Variants in GRM5 observed in about 807,000 individuals in gnomAD.
GRM5 encodes glutamate metabotropic receptor 5.
GRM5 carries 19 observed loss-of-function variants against 83.1 expected under a neutral mutation model. That is an observed-to-expected ratio of 0.23 (90% confidence interval 0.16 to 0.34). The LOEUF (loss-of-function observed/expected upper bound fraction) is 0.34, where lower values mean the gene tolerates loss of function less well. GRM5 is among the 10% of genes least tolerant of loss of function. GRM5 has a pLI of 1.00. For missense variants in GRM5, 1,160 were observed against 1,588.3 expected (o/e 0.73, Z 4.58); for synonymous variants, 675 against 633.6 (o/e 1.07, Z -0.98).
intron 7 of GRM5, among the ~76,000 whole-genome samples, chr11:88,573,177 G>T (rs945444960): frequency 6.6e-6 from 1 of 152,054 alleles, no homozygotes; most frequent in Admixed American, 6.6e-5. Context: ...ATATTGAAAA[G>T]ACAAGTTTTT....
intron 2 of GRM5, among the ~76,000 whole-genome samples, chr11:89,037,751 G>GA (rs1218610557): frequency 6.6e-6 from 1 of 152,010 alleles, no homozygotes; most frequent in Non-Finnish European, 1.5e-5. Flanking sequence ...CATCACTCCA[G>GA]AAAATATAAA....
chr11:88,538,845 A>G (rs755474630), intron 8 of GRM5, among the ~76,000 whole-genome samples: 5 of 152,248 alleles, frequency 3.3e-5, no homozygotes, highest in African/African-American at 7.2e-5. Context: ...CCAGGTTACT[A>G]GAATGGTCAA....
At position 88,567,101 on chromosome 11, in the gene GRM5, C is replaced by T. The variant is rs1942893000; in HGVS notation, c.2582G>A (p.Ser861Asn). 2 of 1,613,866 alleles carry T rather than the reference C, an allele frequency of 1.2e-6. No homozygotes were observed. The highest frequency in any genetic ancestry group is 4.5e-5 in the East Asian group (2 of 44,864). ...CCTTCTCTTCCACAGGTTGACTAGG[C>T]TGCTGGATCTGCTGGCTGCGGAGGA... ...KSSSAASRSS[S>N]LVNLWKRRGS... The change falls in exon 8 of 10, where the codon AGC becomes AAC. Residue 861 changes from serine to asparagine, a missense_variant. Coordinates refer to ENST00000305447, the MANE Select transcript of GRM5 (RefSeq NM_001143831.3). The surrounding 1 kb of genome is among the most constrained non-coding windows in gnomAD (Gnocchi z 7.3).
At chr11:89,046,985 TG>T (rs1326994569) in intron 2 of GRM5, among the ~76,000 whole-genome samples, 2 of 152,156 alleles carry the variant, frequency 1.3e-5, no homozygotes, top group Non-Finnish European at 2.9e-5. Flanking sequence ...TAATTCACAA[TG>T]AAAACAAAAT....
At chr11:88,866,624 G>T (rs955427658) in intron 2 of GRM5, among the ~76,000 whole-genome samples, 1 of 151,962 alleles carries the variant, frequency 6.6e-6, no homozygotes, top group African/African-American at 2.4e-5. Context: ...ACCATGAAAT[G>T]AAGCATTGAC....
rs1499039 is a variant in GRM5, at chr11:88,663,150, C to T, written c.912-9747G>A. The stretch of plus-strand genomic sequence containing the variant: ...ATATTTGAAGAGATAAAATCTTAGG[C>T]GGTCTGACCTAATTCTGGGTGTGGT... On this transcript the variant is annotated intron_variant, in intron 3 of 9. Transcript: ENST00000305447. 0.01 allele frequency among the ~76,000 whole-genome samples: 1,573 copies of T among 152,202 alleles called. 48 individuals are homozygous for T. The East Asian group carries it at 0.12, about 11-fold the overall frequency.
At chr11:89,045,238 T>A (rs2135147762) in intron 2 of GRM5, among the ~76,000 whole-genome samples, 1 of 152,304 alleles carries the variant, frequency 6.6e-6, no homozygotes, top group Non-Finnish European at 1.5e-5. Context: ...TTTCATGTAA[T>A]TGTTATATTT....
At chr11:88,918,978 G>A (rs1383477768) in intron 2 of GRM5, among the ~76,000 whole-genome samples, 3 of 150,562 alleles carry the variant, frequency 2.0e-5, no homozygotes, top group Non-Finnish European at 3.0e-5. Flanking sequence ...AGGAAGGACA[G>A]AAGGAAGAGA....
At chr11:88,555,445 G>A (rs772706270) in intron 8 of GRM5, among the ~76,000 whole-genome samples, 5 of 152,120 alleles carry the variant, frequency 3.3e-5, no homozygotes, top group African/African-American at 7.2e-5. Context: ...TTTTCACTGG[G>A]AGCCTCATTA....
In GRM5 at chr11:88,508,534, GTGTGAA is replaced by G. The variant is rs1941243032; in HGVS notation, c.*52_*57del. The G allele has an allele frequency of 5.7e-6, 8 of 1,403,220 alleles. No individual in the cohort carries two copies. The highest frequency in any genetic ancestry group is 7.0e-6 in the Non-Finnish European group (7 of 1,001,808). 86.9% of individuals were successfully genotyped at this position (1,403,220 alleles called of 1,614,324 possible). ...GGCGACTATGCTTGCCATTGTGTGT[GTGTGAA>G]CACGGGGGGCTCCGCTCCGCACGCG... On this transcript the variant is annotated 3_prime_UTR_variant, in exon 10 of 10. Coordinates refer to ENST00000305447, the MANE Select transcript of GRM5 (RefSeq NM_001143831.3). This position sits in a 1 kb window ranked among gnomAD's most constrained non-coding sequence, Gnocchi z 4.2.
At chr11:88,785,743 A>T (rs1489608503) in intron 3 of GRM5, among the ~76,000 whole-genome samples, 2 of 152,176 alleles carry the variant, frequency 1.3e-5, no homozygotes, top group South Asian at 2.1e-4. Context: ...TTTATTGAAC[A>T]TTCTATAATT....
chr11:88,910,242 T>G (rs916393068), intron 2 of GRM5, among the ~76,000 whole-genome samples: 1 of 152,108 alleles, frequency 6.6e-6, no homozygotes, highest in African/African-American at 2.4e-5. Flanking sequence ...GTGGCATGTA[T>G]CAGACTTCAT....
chr11:88,540,043 C>A (rs942616624), intron 8 of GRM5, among the ~76,000 whole-genome samples: 1 of 152,190 alleles, frequency 6.6e-6, no homozygotes, highest in East Asian at 1.9e-4. Flanking sequence ...AGCAGCAACT[C>A]AACAAGTGAA....
At chr11:88,918,476 C>T (rs1354946579) in intron 2 of GRM5, among the ~76,000 whole-genome samples, 1 of 151,522 alleles carries the variant, frequency 6.6e-6, no homozygotes, top group African/African-American at 2.4e-5. Flanking sequence ...GGGATTTCAT[C>T]CATACCAGAT....
chr11:88,516,752 A>G (rs897861036), intron 9 of GRM5, among the ~76,000 whole-genome samples: 1 of 151,678 alleles, frequency 6.6e-6, no homozygotes, highest in Non-Finnish European at 1.5e-5. Context: ...TAAAATGGGC[A>G]TATGCCTTAT....
chr11:89,056,200 C>T (rs16912842), intron 1 of GRM5, among the ~76,000 whole-genome samples: 19,275 of 152,092 alleles, frequency 0.13, 1,600 homozygotes, highest in African/African-American at 0.24. Flanking sequence ...AAATGTTTCT[C>T]CTGGTTTACA....
intron 2 of GRM5, among the ~76,000 whole-genome samples, chr11:88,929,989 T>G (rs1333320814): frequency 6.6e-6 from 1 of 152,128 alleles, no homozygotes; most frequent in Non-Finnish European, 1.5e-5. Flanking sequence ...ATGTACACAG[T>G]CAAATTTGTT....
rs1219990588 is a variant in GRM5, at chr11:89,062,794, C to T, written c.-201+2982G>A. 2.6e-5 allele frequency among the ~76,000 whole-genome samples: 4 copies of T among 152,232 alleles called. No homozygotes were observed. In the South Asian group the frequency reaches 8.3e-4, roughly 31 times the overall value. On this transcript the variant is annotated intron_variant, in intron 1 of 9. Coordinates refer to ENST00000305447, the MANE Select transcript of GRM5 (RefSeq NM_001143831.3). The stretch of plus-strand genomic sequence containing the variant: ...GAGAGGTCCTAATGCACGTTGGGCT[C>T]GGGCCACCGGCTAGCCTCCGCACTC...
At chr11:89,025,478 C>T (rs1309769946) in intron 2 of GRM5, among the ~76,000 whole-genome samples, 1 of 152,060 alleles carries the variant, frequency 6.6e-6, no homozygotes, top group Admixed American at 6.5e-5. Context: ...AAGGAGCATG[C>T]AATAATAGGA....
Sources: gnomAD v4.1 joint callset for allele counts (sites outside exome capture counted in the v4.1 genomes callset) on GRCh38, gnomAD v4.1.1 for gene constraint, Gnocchi (gnomAD v3.1) non-coding constraint, MANE v1.5 for transcripts, NCBI Gene and HGNC (gene_info 2026-07-23, HGNC 2026-07-21) for gene names.